The following FRMPD2 variants were observed in gnomAD, a reference collection of about 807,000 sequenced individuals.
The protein encoded by FRMPD2 is FERM and PDZ domain-containing protein 2.
FRMPD2 carries 96 observed loss-of-function variants against 140.1 expected under a neutral mutation model. That is an observed-to-expected ratio of 0.69 (90% CI 0.58 to 0.81). The LOEUF is 0.81. FRMPD2 is among the 40% of genes least tolerant of loss of function. The pLI, the probability that FRMPD2 is intolerant of heterozygous loss-of-function variation, is 0.00. For missense variants in FRMPD2, 1,240 were observed against 1,447.4 expected (o/e 0.86, Z 2.32); for synonymous variants, 449 against 547.6 (o/e 0.82, Z 2.52).
intron 1 of FRMPD2, among the ~76,000 whole-genome samples, chr10:48,261,456 G>A (rs1840588976): frequency 6.6e-6 from 1 of 152,072 alleles, no homozygotes; most frequent in South Asian, 2.1e-4. Context: ...ATTACAATGG[G>A]CTTCTCTTCA....
chr10:48,188,919 G>A (rs760989652), intron 16 of FRMPD2, among the ~76,000 whole-genome samples: 6 of 152,190 alleles, frequency 3.9e-5, no homozygotes, highest in African/African-American at 1.2e-4. Flanking sequence ...GCACGGCAGC[G>A]GCCAGGGGCT....
At chr10:48,189,564 T>A (rs1339826474) in intron 16 of FRMPD2, among the ~76,000 whole-genome samples, 2 of 152,196 alleles carry the variant, frequency 1.3e-5, no homozygotes, top group Admixed American at 6.5e-5. Flanking sequence ...ACAGACCCCA[T>A]GTGGGCCACC....
At chr10:48,215,091 T>C (rs1203673682) in intron 12 of FRMPD2, among the ~76,000 whole-genome samples, 1 of 152,264 alleles carries the variant, frequency 6.6e-6, no homozygotes, top group East Asian at 1.9e-4. Context: ...AAAATGCAAA[T>C]GTAATCATGT....
At chr10:48,181,887 T>TACACACACACAC (rs56127751) in intron 20 of FRMPD2, among the ~76,000 whole-genome samples, 2,386 of 111,176 alleles carry the variant, frequency 0.021, 70 homozygotes, top group Non-Finnish European at 0.027. Flanking sequence ...ATGGCTCTCA[T>TACACACACACAC]ACACACACAC....
Position 48,223,252 on chromosome 10 carries a change from A to G in FRMPD2, c.1187T>C (p.Leu396Pro), listed in dbSNP as rs755612678. ...AYMKSKEFFFLDSETRLCKIA... is the reference protein window; with the variant it reads ...AYMKSKEFFFPDSETRLCKIA... ...TTTGCACAATCTGGTTTCACTGTCC[A>G]GGAAAAAGAACTCTTTGCCTGAAAT... Residue 396 changes from leucine (L) to proline (P), a missense_variant, in exon 11 of 29, where the codon CTG becomes CCG. Around this residue, in one of 6 missense-constraint regions of FRMPD2, gnomAD observed 1,161 missense variants for 1,055.9 expected, o/e 1.10. Transcript: ENST00000374201. 6.8e-6 allele frequency: 11 copies of G among 1,613,196 alleles called. No individual in the cohort carries two copies. The East Asian group carries it at 1.3e-4, about 20-fold the overall frequency.
At chr10:48,216,421 T>C (rs1839452492) in intron 12 of FRMPD2, among the ~76,000 whole-genome samples, 1 of 152,116 alleles carries the variant, frequency 6.6e-6, no homozygotes, top group South Asian at 2.1e-4. Context: ...CCTGGAACCC[T>C]GGGGCAAGAG....
intron 13 of FRMPD2, among the ~76,000 whole-genome samples, chr10:48,207,945 T>C (rs1839239279): frequency 6.6e-6 from 1 of 152,194 alleles, no homozygotes; most frequent in African/African-American, 2.4e-5. Context: ...CAGACAGCTA[T>C]GCTGCCTGCA....
At position 48,192,818 on chromosome 10, in the gene FRMPD2, C is replaced by G; in HGVS notation, c.2031G>C (p.Gln677His). 1 of 1,614,152 alleles carries G rather than the reference C, an allele frequency of 6.2e-7. No individual in the cohort carries two copies. The highest frequency in any genetic ancestry group is 1.3e-5 in the African/African-American group (1 of 75,036). ...ACTCGTTTTCTGAGCATGACAATCT[C>G]TGAATCCAAATGAGAGGCTTAGACC... ...QARSKPLIWIQRLSCSENELF... is the reference protein window; with the variant it reads ...QARSKPLIWIHRLSCSENELF... The change falls in exon 16 of 29, where the codon CAG (glutamine) becomes CAC (histidine). Residue 677 changes from glutamine to histidine, a missense_variant. Gln to His is a conservative substitution (Grantham distance 24). This residue lies in a region of FRMPD2 where 1,161 missense variants were observed against 1,055.9 expected (regional missense o/e 1.10). Transcript: ENST00000374201.
rs782506298 is a variant in FRMPD2 at position 48,178,184 on chromosome 10, G to A, written c.2791-33C>T. ...AAACAAACAAACAAAAATAAAGATG[G>A]GATGAAGGAAGATGTCACCTCTTAG... On this transcript the variant is annotated intron_variant, in intron 21 of 28. Coordinates refer to ENST00000374201, the MANE Select transcript of FRMPD2 (RefSeq NM_001018071.4). The A allele has an allele frequency of 9.1e-6, 12 of 1,319,806 alleles. No individual in the cohort carries two copies. The South Asian group carries it at 1.3e-4, about 15-fold the overall frequency. The allele number at this position is 1,319,806 out of a possible 1,614,324, so 81.8% of individuals were successfully genotyped here.
At chr10:48,164,727 G>A (rs61840022) in intron 27 of FRMPD2, among the ~76,000 whole-genome samples, 83,112 of 144,222 alleles carry the variant, frequency 0.58, 23,677 homozygotes, top group Non-Finnish European at 0.63. Flanking sequence ...ACCATATTTT[G>A]TCACATTTTC....
chr10:48,163,708 A>T (rs782133687), intron 27 of FRMPD2, 37 bp from the exon 28 acceptor site: 3 of 1,452,568 alleles, frequency 2.1e-6, no homozygotes, highest in African/African-American at 1.4e-5. Context: ...TGGCTGCGGG[A>T]TGCACATTGT....
chr10:48,222,446 CT>C lies in FRMPD2; in HGVS notation c.1321del (p.Ser441AlafsTer2). 6.2e-7 allele frequency: 1 copy of C among 1,613,884 alleles called. No individual in the cohort carries two copies. The highest frequency in any genetic ancestry group is 8.5e-7 in the Non-Finnish European group (1 of 1,179,864). On this transcript the variant is annotated frameshift_variant, in exon 12 of 29. Transcript: ENST00000374201. LOFTEE classifies it high-confidence loss of function. ...CAGGTAAAACTGGTGCCTTGTCAGG[CT>C]GTGCCTGGAAAAGAAGTAGCAATAA... ...FVSHYGLLQH[S>X]LTRHQFYLQL...
chr10:48,232,753 TG>T (rs1293933521), intron 9 of FRMPD2, among the ~76,000 whole-genome samples: 1 of 152,146 alleles, frequency 6.6e-6, no homozygotes, highest in African/African-American at 2.4e-5. Context: ...AGAATTTGGG[TG>T]GGTGCAGATC....
intron 1 of FRMPD2, among the ~76,000 whole-genome samples, chr10:48,270,624 T>A (rs1185511356): frequency 6.6e-6 from 1 of 152,072 alleles, no homozygotes; most frequent in Non-Finnish European, 1.5e-5. Context: ...GACCCGTTTC[T>A]TGAGCTCCTG....
intron 13 of FRMPD2, among the ~76,000 whole-genome samples, chr10:48,211,199 G>A (rs1181557313): frequency 6.6e-6 from 1 of 152,242 alleles, no homozygotes; most frequent in Non-Finnish European, 1.5e-5. Context: ...CACAGCAAGG[G>A]GAGATTGTGG....
chr10:48,238,604 A>G (rs946551896), intron 7 of FRMPD2, among the ~76,000 whole-genome samples: 5 of 152,242 alleles, frequency 3.3e-5, no homozygotes, highest in African/African-American at 7.2e-5. Flanking sequence ...ACGATATCCA[A>G]TCAGGGCGTC....
At chr10:48,265,673 T>A (rs1272219927) in intron 1 of FRMPD2, among the ~76,000 whole-genome samples, 1 of 152,172 alleles carries the variant, frequency 6.6e-6, no homozygotes, top group Non-Finnish European at 1.5e-5. Flanking sequence ...TGAGATACCA[T>A]CTCACACTGG....
At chr10:48,188,272 ACCAGGGCT>A (rs1838739687) in intron 16 of FRMPD2, among the ~76,000 whole-genome samples, 1 of 152,172 alleles carries the variant, frequency 6.6e-6, no homozygotes, top group African/African-American at 2.4e-5. Flanking sequence ...GAGCTGTGAC[ACCAGGGCT>A]CTCTCTGCAG....
rs190954985 is a variant in FRMPD2 at position 48,164,336 on chromosome 10, C to A, written c.3538-665G>T. Reference sequence around the variant, plus strand: ...TATAAATAAACAGGTCCTTTGAAATCTCTTTTGAGCCAGTTTTAACATCTG... The same window carrying A: ...TATAAATAAACAGGTCCTTTGAAATATCTTTTGAGCCAGTTTTAACATCTG... On this transcript the variant is annotated intron_variant, in intron 27 of 28. Coordinates refer to ENST00000374201, the MANE Select transcript of FRMPD2 (RefSeq NM_001018071.4). Among the ~76,000 whole-genome samples, 468 of 151,380 alleles carry A rather than the reference C, an allele frequency of 3.1e-3. 22 individuals are homozygous for A. Among genetic ancestry groups the A allele is most frequent in the African/African-American group, 9.9e-3 (404 of 40,932 alleles).
Sources: gnomAD v4.1 joint callset for allele counts (sites outside exome capture counted in the v4.1 genomes callset) on GRCh38, gnomAD v4.1.1 for gene constraint, gnomAD v4.1.1 regional missense constraint, MANE v1.5 for transcripts, NCBI Gene and HGNC (gene_info 2026-07-23, HGNC 2026-07-21) for gene names.